Variants in ZFR observed in about 807,000 individuals in gnomAD.
The protein encoded by ZFR is zinc finger RNA-binding protein.
Under a neutral mutation model 130.7 loss-of-function variants are expected in ZFR, and 19 were observed. That is an observed-to-expected ratio of 0.15 (90% CI 0.10 to 0.21). The LOEUF is 0.21. Among genes scored for constraint, ZFR ranks in the 10% least tolerant of loss-of-function variants. The probability of loss-of-function intolerance (pLI) is 1.00; values close to 1 mark genes in which losing one functional copy is unlikely to be tolerated. For synonymous variants in ZFR, 466 were observed against 456.9 expected (o/e 1.02, Z -0.25); for missense variants, 872 against 1,321.5 (o/e 0.66, Z 5.27).
chr5:32,410,489 G>A (rs548684487), intron 5 of ZFR, among the ~76,000 whole-genome samples: 6 of 151,658 alleles, frequency 4.0e-5, no homozygotes, highest in Non-Finnish European at 7.4e-5. Flanking sequence ...GGTGGCTCAC[G>A]TCTGTAGTCC....
intron 14 of ZFR, among the ~76,000 whole-genome samples, chr5:32,385,906 A>G (rs1753036754): frequency 6.6e-6 from 1 of 152,116 alleles, no homozygotes; most frequent in Non-Finnish European, 1.5e-5. Context: ...TATCTCTCTT[A>G]GATAATAAAT....
chr5:32,386,742 T>C (rs1416811748), intron 14 of ZFR, among the ~76,000 whole-genome samples: 3 of 152,252 alleles, frequency 2.0e-5, no homozygotes, highest in Non-Finnish European at 2.9e-5. Flanking sequence ...TTAAGTTTAA[T>C]AGTGTGCTTC....
In ZFR at chr5:32,403,159, A is replaced by C. The variant is rs1272660484; in HGVS notation, c.1463T>G (p.Val488Gly). The C allele has an allele frequency of 9.3e-6, 15 of 1,614,090 alleles. No individual in the cohort carries two copies. Among genetic ancestry groups the C allele is most frequent in the Non-Finnish European group, 1.3e-5 (15 of 1,180,038 alleles). Residue 488 changes from valine (V) to glycine (G), a missense_variant, in exon 8 of 20, where the codon GTG (valine) becomes GGG (glycine). Physicochemically the swap from Val to Gly is moderately radical, Grantham distance 109. Transcript: ENST00000265069. The part of the protein sequence containing the change: ...NSTSNTKVSA[V>G]PTNMAAKKTS... ...TTTCTTGGCAGCCATATTTGTAGGC[A>C]CTGCTGATACTTTAGTGTTAGATGT...
intron 2 of ZFR, among the ~76,000 whole-genome samples, chr5:32,435,907 T>A (rs1754321913): frequency 6.6e-6 from 1 of 152,166 alleles, no homozygotes; most frequent in South Asian, 2.1e-4. Context: ...TTTTATGCTA[T>A]TTTTTTCTGT....
At chr5:32,442,833 G>A (rs1302691809) in intron 2 of ZFR, among the ~76,000 whole-genome samples, 2 of 152,104 alleles carry the variant, frequency 1.3e-5, no homozygotes, top group Non-Finnish European at 2.9e-5. Context: ...AGCCCAAAAA[G>A]ATAGTTTGCC....
chr5:32,438,752 G>C (rs1357880649), intron 2 of ZFR, among the ~76,000 whole-genome samples: 1 of 152,020 alleles, frequency 6.6e-6, no homozygotes, highest in Admixed American at 6.5e-5. Flanking sequence ...ATATATGATA[G>C]ATATTAACCA....
intron 10 of ZFR, among the ~76,000 whole-genome samples, chr5:32,395,675 A>G (rs1753287215): frequency 6.6e-6 from 1 of 152,098 alleles, no homozygotes; most frequent in African/African-American, 2.4e-5. Context: ...AGTAAGACCA[A>G]CCCCTCCTCT....
intron 15 of ZFR, among the ~76,000 whole-genome samples, chr5:32,382,062 G>T (rs1007268805): frequency 2.0e-5 from 3 of 152,198 alleles, no homozygotes; most frequent in Non-Finnish European, 4.4e-5. Context: ...AGCACTTTGG[G>T]AGGCTGAGGC....
At chr5:32,388,408 T>C (rs1353693068) in intron 13 of ZFR, 61 bp downstream of exon 13, 32 of 1,483,522 alleles carry the variant, frequency 2.2e-5, no homozygotes, top group Non-Finnish European at 3.7e-6. Flanking sequence ...ATATTTCAAA[T>C]GTAAGAAGTC....
At chr5:32,378,305 C>T (rs528351567) in intron 17 of ZFR, among the ~76,000 whole-genome samples, 1 of 152,148 alleles carries the variant, frequency 6.6e-6, no homozygotes, top group South Asian at 2.1e-4. Flanking sequence ...AGAAAGAATG[C>T]AGATGTGACT....
In ZFR at chr5:32,426,608, C is replaced by T. The variant is rs189182848; in HGVS notation, c.138-6505G>A. ...GCAATATGGCAGGAAAAATAAAAGG[C>T]ATCCAAATTAGGCCAGGTGCTGGTG... On this transcript the variant is annotated intron_variant, in intron 2 of 19. Transcript: ENST00000265069. Among the ~76,000 whole-genome samples the T allele has an allele frequency of 5.9e-5, 9 of 152,180 alleles. No homozygotes were observed. The East Asian group carries it at 1.4e-3, about 23-fold the overall frequency.
At chr5:32,366,531 A>G (rs984039632) in intron 17 of ZFR, among the ~76,000 whole-genome samples, 1 of 152,268 alleles carries the variant, frequency 6.6e-6, no homozygotes, top group African/African-American at 2.4e-5. Context: ...ACACTTAAAC[A>G]CACACAATAA....
At chr5:32,408,637 T>C (rs985511336) in intron 5 of ZFR, among the ~76,000 whole-genome samples, 26 of 152,228 alleles carry the variant, frequency 1.7e-4, no homozygotes, top group Admixed American at 8.5e-4. Flanking sequence ...CATTTGGCTG[T>C]GAGCTTGTGT....
chr5:32,391,247 G>A (rs977659377), intron 11 of ZFR, among the ~76,000 whole-genome samples: 2 of 152,142 alleles, frequency 1.3e-5, no homozygotes, highest in African/African-American at 2.4e-5. Flanking sequence ...AACTAACACC[G>A]TTATCAGATG....
At chr5:32,392,801 C>T (rs1242959116) in intron 11 of ZFR, among the ~76,000 whole-genome samples, 1 of 152,060 alleles carries the variant, frequency 6.6e-6, no homozygotes, top group Non-Finnish European at 1.5e-5. Context: ...TTGAGACCAG[C>T]CTGGTCAACC....
At chr5:32,396,348 A>G (rs142128604) in intron 10 of ZFR, among the ~76,000 whole-genome samples, 1 of 152,308 alleles carries the variant, frequency 6.6e-6, no homozygotes, top group Non-Finnish European at 1.5e-5. Flanking sequence ...GTTTCTTTAC[A>G]TATTTAAGTA....
At chr5:32,408,331 A>AC (rs1423858384) in intron 5 of ZFR, among the ~76,000 whole-genome samples, 2 of 139,874 alleles carry the variant, frequency 1.4e-5, no homozygotes, top group East Asian at 2.1e-4. Flanking sequence ...AAAAAAAAAA[A>AC]AAAAAACTAG....
At chr5:32,400,268 C>A in intron 8 of ZFR, 65 bp from the exon 9 acceptor site, 2 of 1,205,486 alleles carry the variant, frequency 1.7e-6, no homozygotes, top group Non-Finnish European at 2.2e-6. Context: ...CCTGATAAGA[C>A]GAAAACTTCA....
Position 32,444,217 on chromosome 5 carries a change from G to T in ZFR, c.137+12C>A. 1 of 1,596,022 alleles carries T rather than the reference G, an allele frequency of 6.3e-7. No homozygotes were observed. The highest frequency in any genetic ancestry group is 8.5e-7 in the Non-Finnish European group (1 of 1,172,714). ...GCAAGGGGCGAACAGAGAGAAGGCA[G>T]GATGCCGTTACCTATATTGGGCCGC... On this transcript the variant is annotated intron_variant, in intron 2 of 19. Transcript: ENST00000265069.
Sources: allele counts gnomAD v4.1 joint callset (sites outside exome capture counted in the v4.1 genomes callset), GRCh38; gene constraint gnomAD v4.1.1; transcripts MANE v1.5; gene names NCBI Gene and HGNC (gene_info 2026-07-23, HGNC 2026-07-21).